Variants in STOX2 observed in about 807,000 individuals in gnomAD.
STOX2 encodes storkhead-box protein 2.
STOX2 carries 28 observed loss-of-function variants against 60.9 expected under a neutral mutation model. That is an observed-to-expected ratio of 0.46 (90% CI 0.34 to 0.63). The LOEUF (loss-of-function observed/expected upper bound fraction) is 0.63, where lower values mean the gene tolerates loss of function less well. STOX2 is among the 30% of genes least tolerant of loss of function. The probability of loss-of-function intolerance (pLI) is 0.01; values close to 1 mark genes in which losing one functional copy is unlikely to be tolerated. For synonymous variants in STOX2, 472 were observed against 463.9 expected (o/e 1.02, Z -0.22); for missense variants, 1,024 against 1,187.7 (o/e 0.86, Z 2.03).
At chr4:183,816,488 A>G (rs1739157494) in intron 1 of STOX2, among the ~76,000 whole-genome samples, 2 of 152,184 alleles carry the variant, frequency 1.3e-5, no homozygotes, top group South Asian at 4.1e-4. Context: ...TAGACATCAG[A>G]TACCCTAAAA....
rs2111267433 is a variant in STOX2, at chr4:184,019,830, A to G, written c.*2546A>G. On this transcript the variant is annotated 3_prime_UTR_variant, in exon 4 of 4. Coordinates refer to ENST00000308497, the MANE Select transcript of STOX2 (RefSeq NM_020225.3). ...GAGTGGCAGCCGGCAGCACATTGCAAATGTCATTCGAGGTCACGGTGAGGC... is the reference window on the plus strand; with the variant it reads ...GAGTGGCAGCCGGCAGCACATTGCAGATGTCATTCGAGGTCACGGTGAGGC... 6.6e-6 allele frequency: 1 copy of G among 152,288 alleles called. No individual in the cohort carries two copies. The highest frequency in any genetic ancestry group is 6.5e-5 in the Admixed American group (1 of 15,298). 9.4% of individuals were successfully genotyped at this position (152,288 alleles called of 1,614,324 possible).
At chr4:183,818,802 G>T (rs1160072164) in intron 1 of STOX2, among the ~76,000 whole-genome samples, 1 of 151,626 alleles carries the variant, frequency 6.6e-6, no homozygotes, top group Admixed American at 6.6e-5. Context: ...GTGGCTGCCG[G>T]GCGGAGGGGC....
rs1295785209 is a variant in STOX2 at position 184,022,711 on chromosome 4, C to T, written c.*5427C>T. 3 of 151,860 alleles carry T rather than the reference C, an allele frequency of 2.0e-5. No homozygotes were observed. The highest frequency in any genetic ancestry group is 4.4e-5 in the Non-Finnish European group (3 of 68,006). 9.4% of individuals were successfully genotyped at this position (151,860 alleles called of 1,614,324 possible). On this transcript the variant is annotated 3_prime_UTR_variant, in exon 4 of 4. Transcript: ENST00000308497. ...CCTGAGATCTCCTCCAATATCTGTC[C>T]TCTGCAGTTCCGGGAAACTAATCAT...
intron 1 of STOX2, among the ~76,000 whole-genome samples, chr4:183,948,540 C>CTTTTTTTTTTTTTTTTT (rs10687778): frequency 3.8e-5 from 3 of 78,182 alleles, no homozygotes; most frequent in Admixed American, 2.1e-4. Context: ...ATGCCTTATC[C>CTTTTTTTTTTTTTTTTT]TTTTTTTTTT....
rs535689199 is a variant in STOX2, at chr4:183,927,046, G to A, written c.166+20090G>A. Among the ~76,000 whole-genome samples the A allele has an allele frequency of 2.5e-3, 387 of 152,334 alleles. 1 individual carries two copies. Among genetic ancestry groups the A allele is most frequent in the African/African-American group, 8.9e-3 (369 of 41,578 alleles). On this transcript the variant is annotated intron_variant, in intron 1 of 3. Coordinates refer to ENST00000308497, the MANE Select transcript of STOX2 (RefSeq NM_020225.3). ...TATTGGTGCAGAAGTGGCAGCGTTC[G>A]GGAGGATCAAAACAACACATCATGA...
intron 2 of STOX2, among the ~76,000 whole-genome samples, chr4:184,008,020 T>C (rs1733947043): frequency 6.6e-6 from 1 of 152,200 alleles, no homozygotes; most frequent in African/African-American, 2.4e-5. Context: ...AGGGTTTCAA[T>C]CCAGCAGCCC....
intron 1 of STOX2, among the ~76,000 whole-genome samples, chr4:183,833,583 G>A (rs898511643): frequency 6.6e-6 from 1 of 151,740 alleles, no homozygotes. Flanking sequence ...GCGTTGGCAA[G>A]GCGGGATCGG....
At chr4:183,966,612 A>G (rs1186177508) in intron 1 of STOX2, among the ~76,000 whole-genome samples, 2 of 152,212 alleles carry the variant, frequency 1.3e-5, no homozygotes, top group Non-Finnish European at 2.9e-5. Context: ...TGAGACCACA[A>G]TGCTGCAGAT....
At chr4:183,877,456 A>T (rs1301723737) in intron 1 of STOX2, among the ~76,000 whole-genome samples, 1 of 152,212 alleles carries the variant, frequency 6.6e-6, no homozygotes, top group Non-Finnish European at 1.5e-5. Context: ...TAATTCACTG[A>T]CCAAAAGAAT....
In STOX2 at chr4:183,839,073, A is replaced by G. The variant is rs117174361; in HGVS notation, c.364+41018A>G. On this transcript the variant is annotated intron_variant, in intron 1 of 2. Transcript: ENST00000513034. Reference sequence around the variant, plus strand: ...TGCACACACACACACACACACACAGAGAGCAGGCCAGGTTGGAGACCCAGG... The same window carrying G: ...TGCACACACACACACACACACACAGGGAGCAGGCCAGGTTGGAGACCCAGG... Among the ~76,000 whole-genome samples, 82 of 152,036 alleles carry G rather than the reference A, an allele frequency of 5.4e-4. 1 individual carries two copies. In the East Asian group the frequency reaches 0.014, roughly 26 times the overall value.
chr4:183,970,284 G>T (rs1208923934), intron 1 of STOX2, among the ~76,000 whole-genome samples: 1 of 151,848 alleles, frequency 6.6e-6, no homozygotes, highest in Non-Finnish European at 1.5e-5. Flanking sequence ...GTCAAATGTG[G>T]TATCATTGAC....
At chr4:183,970,831 T>C (rs185242936) in intron 1 of STOX2, among the ~76,000 whole-genome samples, 1 of 152,344 alleles carries the variant, frequency 6.6e-6, no homozygotes, top group Admixed American at 6.5e-5. Context: ...CACTCTCTAA[T>C]TGAGTAGAAT....
intron 1 of STOX2, among the ~76,000 whole-genome samples, chr4:183,820,266 T>A (rs1739276607): frequency 6.6e-6 from 1 of 152,222 alleles, no homozygotes; most frequent in Non-Finnish European, 1.5e-5. Flanking sequence ...TCTGTGTTCA[T>A]GAGGCTCATA....
At chr4:183,929,371 A>G (rs760337705) in intron 1 of STOX2, among the ~76,000 whole-genome samples, 1 of 152,248 alleles carries the variant, frequency 6.6e-6, no homozygotes, top group Non-Finnish European at 1.5e-5. Context: ...TAAACGCGTT[A>G]GGAATTCAGG....
At chr4:183,883,481 A>G (rs907483678) in intron 1 of STOX2, among the ~76,000 whole-genome samples, 2 of 151,752 alleles carry the variant, frequency 1.3e-5, no homozygotes, top group Non-Finnish European at 2.9e-5. Context: ...CACCACGCCC[A>G]GCTAATTTTT....
intron 1 of STOX2, among the ~76,000 whole-genome samples, chr4:183,880,019 C>T (rs975727610): frequency 2.0e-5 from 3 of 152,104 alleles, no homozygotes; most frequent in Admixed American, 6.6e-5. Context: ...GACGGAATCT[C>T]GCTCTGTTGC....
chr4:183,835,428 G>T (rs1362182340), intron 1 of STOX2, among the ~76,000 whole-genome samples: 1 of 151,994 alleles, frequency 6.6e-6, no homozygotes, highest in Non-Finnish European at 1.5e-5. Context: ...GTTTCACCAT[G>T]TTAGCCAGGA....
chr4:183,879,242 C>T (rs967009522), intron 1 of STOX2, among the ~76,000 whole-genome samples: 2 of 152,226 alleles, frequency 1.3e-5, no homozygotes, highest in African/African-American at 2.4e-5. Context: ...GCCACCCTCT[C>T]TCTCACCATC....
At chr4:183,864,301 T>C (rs1740516180) in intron 1 of STOX2, among the ~76,000 whole-genome samples, 1 of 152,236 alleles carries the variant, frequency 6.6e-6, no homozygotes, top group African/African-American at 2.4e-5. Context: ...AGGAATGTTA[T>C]TCTGCAAATC....
Sources: allele counts gnomAD v4.1 joint callset (sites outside exome capture counted in the v4.1 genomes callset), GRCh38; gene constraint gnomAD v4.1.1; transcripts MANE v1.5; gene names NCBI Gene and HGNC (gene_info 2026-07-23, HGNC 2026-07-21).